DLG2: variants seen among roughly 807,000 people sequenced by gnomAD.
The protein encoded by DLG2 is disks large homolog 2.
Under a neutral mutation model 132.5 loss-of-function variants are expected in DLG2, and 45 were observed. That is an observed-to-expected ratio of 0.34 (90% CI 0.27 to 0.44). The LOEUF (loss-of-function observed/expected upper bound fraction) is 0.44. DLG2 is among the 20% of genes least tolerant of loss of function. DLG2 has a pLI of 1.00. For missense variants in DLG2, 1,045 were observed against 1,196.9 expected (o/e 0.87, Z 1.87); for synonymous variants, 424 against 419.6 (o/e 1.01, Z -0.13).
At chr11:84,811,756 T>C (rs939174437) in intron 6 of DLG2, among the ~76,000 whole-genome samples, 11 of 152,224 alleles carry the variant, frequency 7.2e-5, no homozygotes, top group African/African-American at 2.2e-4. Context: ...TACTCTGTGA[T>C]AGAAACTATG....
At chr11:84,791,882 G>T (rs2073898352) in intron 6 of DLG2, among the ~76,000 whole-genome samples, 1 of 152,032 alleles carries the variant, frequency 6.6e-6, no homozygotes, top group Non-Finnish European at 1.5e-5. Context: ...TACAAACAAG[G>T]ATAATTTGGT....
At chr11:83,602,164 C>T (rs1341031353) in intron 19 of DLG2, among the ~76,000 whole-genome samples, 1 of 152,182 alleles carries the variant, frequency 6.6e-6, no homozygotes, top group Non-Finnish European at 1.5e-5. Flanking sequence ...AGTCTTTCTG[C>T]TTTCTGATTT....
At chr11:84,239,686 T>C (rs1471956355) in intron 8 of DLG2, among the ~76,000 whole-genome samples, 1 of 152,230 alleles carries the variant, frequency 6.6e-6, no homozygotes, top group Non-Finnish European at 1.5e-5. Flanking sequence ...CTGAAAATTT[T>C]TTAGTGTTCC....
intron 6 of DLG2, among the ~76,000 whole-genome samples, chr11:84,581,767 C>A (rs1165408432): frequency 6.6e-6 from 1 of 151,836 alleles, no homozygotes; most frequent in Non-Finnish European, 1.5e-5. Flanking sequence ...ATTAGCCGGG[C>A]ATGGTGGCAT....
At chr11:84,311,172 C>T (rs2098282518) in intron 7 of DLG2, among the ~76,000 whole-genome samples, 1 of 152,040 alleles carries the variant, frequency 6.6e-6, no homozygotes, top group Non-Finnish European at 1.5e-5. Flanking sequence ...CCTAGCCTAG[C>T]CTTCATCATT....
At chr11:84,301,107 C>T (rs990641867) in intron 7 of DLG2, among the ~76,000 whole-genome samples, 5 of 152,124 alleles carry the variant, frequency 3.3e-5, no homozygotes, top group East Asian at 1.9e-4. Flanking sequence ...AAAAATATAT[C>T]CTCACGAGAA....
intron 18 of DLG2, among the ~76,000 whole-genome samples, chr11:83,779,809 C>A (rs2094735298): frequency 6.6e-6 from 1 of 152,148 alleles, no homozygotes. Flanking sequence ...ATCAAGTTAA[C>A]TAGGTCGTGC....
At chr11:85,163,687 C>T (rs1354662788) in intron 4 of DLG2, among the ~76,000 whole-genome samples, 1 of 152,084 alleles carries the variant, frequency 6.6e-6, no homozygotes, top group African/African-American at 2.4e-5. Context: ...GGAATGGAGG[C>T]AATATTTAAA....
intron 7 of DLG2, among the ~76,000 whole-genome samples, chr11:84,469,251 A>C (rs1268606438): frequency 1.3e-5 from 2 of 151,702 alleles, no homozygotes; most frequent in African/African-American, 4.8e-5. Context: ...GGAAGAACAC[A>C]CTGAAGGAAT....
chr11:85,009,655 T>C (rs1316804884), intron 6 of DLG2, among the ~76,000 whole-genome samples: 1 of 152,132 alleles, frequency 6.6e-6, no homozygotes, highest in East Asian at 1.9e-4. Context: ...CATTTTATTG[T>C]ATATTACTAA....
intron 19 of DLG2, among the ~76,000 whole-genome samples, chr11:83,586,087 A>C (rs1482301858): frequency 1.3e-5 from 2 of 152,226 alleles, no homozygotes; most frequent in African/African-American, 2.4e-5. Context: ...AGTGCTGAGC[A>C]TTAGGTAGAA....
chr11:84,003,041 C>T (rs186943563), intron 11 of DLG2, among the ~76,000 whole-genome samples: 2 of 152,258 alleles, frequency 1.3e-5, no homozygotes, highest in East Asian at 3.9e-4. Context: ...TCACCAGATA[C>T]CCTAAATCAT....
At chr11:84,877,121 A>T (rs376543188) in intron 6 of DLG2, among the ~76,000 whole-genome samples, 1 of 152,202 alleles carries the variant, frequency 6.6e-6, no homozygotes, top group Middle Eastern at 3.4e-3. Context: ...GGTCAATTTT[A>T]GAATAAGCGT....
chr11:84,547,444 T>C (rs375134672), intron 6 of DLG2, among the ~76,000 whole-genome samples: 2 of 152,130 alleles, frequency 1.3e-5, no homozygotes, highest in East Asian at 3.9e-4. Context: ...CACTTTTGTA[T>C]GCAAAAAGAA....
intron 6 of DLG2, among the ~76,000 whole-genome samples, chr11:84,897,002 T>G (rs2090284719): frequency 6.6e-6 from 1 of 151,888 alleles, no homozygotes; most frequent in Non-Finnish European, 1.5e-5. Flanking sequence ...TGAGTTTCTA[T>G]GTACCAACCA....
chr11:84,602,060 G>A (rs180796288), intron 6 of DLG2, among the ~76,000 whole-genome samples: 99 of 152,084 alleles, frequency 6.5e-4, no homozygotes, highest in African/African-American at 2.4e-3. Context: ...CTCAGATTCA[G>A]ACATTCATTC....
intron 6 of DLG2, among the ~76,000 whole-genome samples, chr11:84,542,540 G>A (rs569967470): frequency 6.6e-6 from 1 of 152,282 alleles, no homozygotes; most frequent in South Asian, 2.1e-4. Flanking sequence ...CATACATAGT[G>A]TGTGTCCAAT....
intron 3 of DLG2, among the ~76,000 whole-genome samples, chr11:85,415,663 G>T (rs1030763348): frequency 2.6e-5 from 4 of 151,980 alleles, no homozygotes; most frequent in Non-Finnish European, 5.9e-5. Context: ...GTCTTCTTTT[G>T]AGGGTGTCTG....
At chr11:84,868,002 C>T (rs547454426) in intron 6 of DLG2, among the ~76,000 whole-genome samples, 2 of 151,642 alleles carry the variant, frequency 1.3e-5, no homozygotes, top group African/African-American at 2.4e-5. Context: ...TGAACCCGGG[C>T]GGCGGAGCTT....
Sources: allele counts gnomAD v4.1 joint callset (sites outside exome capture counted in the v4.1 genomes callset), GRCh38; gene constraint gnomAD v4.1.1; transcripts MANE v1.5; gene names NCBI Gene and HGNC (gene_info 2026-07-23, HGNC 2026-07-21).